STIM2: variants seen among roughly 807,000 people sequenced by gnomAD.
STIM2 encodes stromal interaction molecule 2.
STIM2 carries 31 observed loss-of-function variants against 85.8 expected under a neutral mutation model. That is an observed-to-expected ratio of 0.36 (90% CI 0.27 to 0.49). The LOEUF (loss-of-function observed/expected upper bound fraction) is 0.49, where lower values mean the gene tolerates loss of function less well. Among genes scored for constraint, STIM2 ranks in the 20% least tolerant of loss-of-function variants. The pLI is 0.98. For synonymous variants in STIM2, 356 were observed against 331.1 expected, an observed-to-expected ratio of 1.08 and a Z score of -0.82; for missense variants, 841 against 927.6, an observed-to-expected ratio of 0.91 and a Z score of 1.21.
chr4:26,948,415 G>A (rs995906468), intron 2 of STIM2, among the ~76,000 whole-genome samples: 20 of 152,202 alleles, frequency 1.3e-4, no homozygotes, highest in Admixed American at 2.6e-4. Context: ...CCACAGAGGG[G>A]ACGAACTGGC....
At chr4:26,909,866 T>C (rs1266808820) in intron 1 of STIM2, among the ~76,000 whole-genome samples, 2 of 152,150 alleles carry the variant, frequency 1.3e-5, no homozygotes, top group Non-Finnish European at 2.9e-5. Context: ...AATGAAAATG[T>C]TAGTAGCATG....
intron 2 of STIM2, among the ~76,000 whole-genome samples, chr4:26,953,885 C>A (rs2109090731): frequency 6.6e-6 from 1 of 152,228 alleles, no homozygotes; most frequent in East Asian, 1.9e-4. Context: ...TTTTCATGAT[C>A]TCAGTTATAA....
At chr4:26,909,063 A>T (rs1667244643) in intron 1 of STIM2, among the ~76,000 whole-genome samples, 2 of 152,206 alleles carry the variant, frequency 1.3e-5, no homozygotes, top group African/African-American at 2.4e-5. Flanking sequence ...TTGGCAACAG[A>T]GTGAGACCTT....
At chr4:26,869,805 A>G (rs1400274259) in intron 1 of STIM2, among the ~76,000 whole-genome samples, 1 of 151,226 alleles carries the variant, frequency 6.6e-6, no homozygotes, top group Admixed American at 6.6e-5. Context: ...TAGCTTATCT[A>G]GTATCCTTGC....
Position 26,893,101 on chromosome 4 carries a change from G to A in STIM2, c.152-26403G>A, listed in dbSNP as rs187192510. Among the ~76,000 whole-genome samples, 83 of 152,302 alleles carry A rather than the reference G, an allele frequency of 5.4e-4. 2 individuals are homozygous for A. Among genetic ancestry groups the A allele is most frequent in the Admixed American group, 5.0e-3 (77 of 15,294 alleles). ...TCAGGTCCTTGATAGTGGCACTAAT[G>A]TATGCAGTTTTAGAGTGAAACATAT... On this transcript the variant is annotated intron_variant, in intron 1 of 11. Transcript: ENST00000467087.
intron 1 of STIM2, among the ~76,000 whole-genome samples, chr4:26,914,032 G>A (rs1255755629): frequency 6.6e-6 from 1 of 152,188 alleles, no homozygotes; most frequent in Non-Finnish European, 1.5e-5. Flanking sequence ...AATGAAAGGA[G>A]TTAACCAACC....
chr4:27,014,903 T>C (rs1403659458), intron 10 of STIM2, among the ~76,000 whole-genome samples: 1 of 152,008 alleles, frequency 6.6e-6, no homozygotes, highest in Non-Finnish European at 1.5e-5. Context: ...GTTCCTTTTA[T>C]AGTTATGTGG....
At chr4:27,018,248 C>T (rs1012244061) in intron 11 of STIM2, among the ~76,000 whole-genome samples, 2 of 152,192 alleles carry the variant, frequency 1.3e-5, no homozygotes, top group Non-Finnish European at 2.9e-5. Context: ...TCATCTGGAG[C>T]TTGCAGTTCT....
At chr4:26,891,185 A>T (rs1723463018) in intron 1 of STIM2, among the ~76,000 whole-genome samples, 1 of 152,236 alleles carries the variant, frequency 6.6e-6, no homozygotes, top group Non-Finnish European at 1.5e-5. Context: ...TAGATGTTGC[A>T]TGAAAGTAAT....
intron 10 of STIM2, among the ~76,000 whole-genome samples, chr4:27,014,773 A>C (rs778903488): frequency 4.6e-5 from 7 of 151,886 alleles, no homozygotes; most frequent in Non-Finnish European, 1.0e-4. Context: ...TGTTTGTTAA[A>C]ATCTCCCATG....
chr4:26,954,871 T>C (rs1726185828), intron 2 of STIM2, among the ~76,000 whole-genome samples: 1 of 147,980 alleles, frequency 6.8e-6, no homozygotes, highest in South Asian at 2.1e-4. Flanking sequence ...TTACGAGTTA[T>C]TGTGATATCC....
In STIM2 at chr4:27,017,903, T is replaced by C. The variant is rs774478254; in HGVS notation, c.1682T>C (p.Ile561Thr). Residue 561 changes from isoleucine to threonine, a missense_variant, in exon 11 of 12, where the codon ATC (isoleucine) becomes ACC (threonine). Physicochemically the swap from Ile to Thr is moderately conservative, Grantham distance 89. Coordinates refer to ENST00000467087, the MANE Select transcript of STIM2 (RefSeq NM_020860.4). ...TCCTTGCCTTCCCCTGATCCAGATATCCTCTCAGTGTCAAGTTGCCCTGCG... is the reference window on the plus strand; with the variant it reads ...TCCTTGCCTTCCCCTGATCCAGATACCCTCTCAGTGTCAAGTTGCCCTGCG... The C allele has an allele frequency of 1.2e-6, 2 of 1,614,060 alleles. No individual in the cohort carries two copies. The highest frequency in any genetic ancestry group is 2.2e-5 in the East Asian group (1 of 44,872).
At chr4:26,962,465 C>G (rs1726511695) in intron 3 of STIM2, among the ~76,000 whole-genome samples, 1 of 152,026 alleles carries the variant, frequency 6.6e-6, no homozygotes, top group South Asian at 2.1e-4. Flanking sequence ...TACCCAAGAT[C>G]TTTCTGGAAT....
intron 7 of STIM2, among the ~76,000 whole-genome samples, chr4:27,006,369 A>C (rs111324650): frequency 4.6e-5 from 7 of 152,232 alleles, no homozygotes; most frequent in African/African-American, 1.7e-4. Context: ...AGTTTATTCA[A>C]ATAAGTTGGG....
At position 26,967,858 on chromosome 4, in the gene STIM2, A is replaced by G. The variant is rs76305464; in HGVS notation, c.397+10132A>G. ...CAACAGTGGGGGTTAGAGAGAGGAA[A>G]GATGAAAAGTGGCTAGTAGCTTGAC... On this transcript the variant is annotated intron_variant, in intron 3 of 11. Coordinates refer to ENST00000467087, the MANE Select transcript of STIM2 (RefSeq NM_020860.4). 8.7e-3 allele frequency among the ~76,000 whole-genome samples: 1,320 copies of G among 152,194 alleles called. 16 individuals are homozygous for G. Among genetic ancestry groups the G allele is most frequent in the African/African-American group, 0.03 (1,255 of 41,518 alleles).
chr4:26,898,659 T>C (rs184390764), intron 1 of STIM2, among the ~76,000 whole-genome samples: 118 of 152,296 alleles, frequency 7.7e-4, no homozygotes, highest in Non-Finnish European at 1.2e-3. Context: ...GCAGGAGAAA[T>C]GCTCATTTTT....
chr4:26,898,951 T>A (rs2109050483), intron 1 of STIM2, among the ~76,000 whole-genome samples: 1 of 152,230 alleles, frequency 6.6e-6, no homozygotes, highest in African/African-American at 2.4e-5. Context: ...TGACAGTTTT[T>A]TTTTTAATCC....
Position 27,023,863 on chromosome 4 carries a change from G to A in STIM2, c.*867G>A, listed in dbSNP as rs192831488. 142 of 152,736 alleles carry A rather than the reference G, an allele frequency of 9.3e-4. 2 individuals carry two copies. The highest frequency in any genetic ancestry group is 3.4e-3 in the African/African-American group (140 of 41,566). The allele number at this position is 152,736 out of a possible 1,614,324, so 9.5% of individuals were successfully genotyped here. ...CCTTAAGCCGAGGTGGGGGGATATG[G>A]GGATTCAGGCAATTGTTTACACACT... On this transcript the variant is annotated 3_prime_UTR_variant, in exon 12 of 12. Coordinates refer to ENST00000467087, the MANE Select transcript of STIM2 (RefSeq NM_020860.4).
rs1724889681 is a variant in STIM2, at chr4:26,923,487, G to A, written c.282+3853G>A. Among the ~76,000 whole-genome samples the A allele has an allele frequency of 2.7e-5, 4 of 148,052 alleles. No individual in the cohort carries two copies. The South Asian group carries it at 9.0e-4, about 33-fold the overall frequency. On this transcript the variant is annotated intron_variant, in intron 2 of 11. Coordinates refer to ENST00000467087, the MANE Select transcript of STIM2 (RefSeq NM_020860.4). ...AGACAAGCAAATGCTGAGAGATTTT[G>A]TCACCACCAGGCCTGCCCTAAAAGA...
Sources: gnomAD v4.1 joint callset for allele counts (sites outside exome capture counted in the v4.1 genomes callset) on GRCh38, gnomAD v4.1.1 for gene constraint, MANE v1.5 for transcripts, NCBI Gene and HGNC (gene_info 2026-07-23, HGNC 2026-07-21) for gene names.